Variants in PHKB observed in about 807,000 individuals in gnomAD.
PHKB encodes phosphorylase kinase regulatory subunit beta.
PHKB carries 122 observed loss-of-function variants against 152.1 expected under a neutral mutation model. The ratio of observed to expected loss-of-function variants is 0.80; its 90% confidence interval spans 0.69 to 0.93. The LOEUF is 0.93. Ranked by LOEUF, PHKB falls within the 40% of genes least tolerant of loss-of-function variation. The probability of loss-of-function intolerance (pLI) is 0.00; values close to 1 mark genes in which losing one functional copy is unlikely to be tolerated. For synonymous variants in PHKB, 436 were observed against 464.9 expected, an observed-to-expected ratio of 0.94 and a Z score of 0.80; for missense variants, 1,304 against 1,328.4, an observed-to-expected ratio of 0.98 and a Z score of 0.29.
In PHKB at chr16:47,580,327, C is replaced by A; in HGVS notation, c.743C>A (p.Ala248Glu). 6.2e-7 allele frequency: 1 copy of A among 1,612,732 alleles called. No homozygotes were observed. The highest frequency in any genetic ancestry group is 1.1e-5 in the South Asian group (1 of 91,038). Residue 248 changes from alanine to glutamate, a missense_variant, in exon 8 of 31, where the codon GCA (alanine) becomes GAA (glutamate). Transcript: ENST00000323584. The stretch of plus-strand genomic sequence containing the variant: ...GGTTTAGCAAAAGCAGCTCTAGAAG[C>A]AATTAATGGATTCAACCTTTTTGGC... ...SVGLAKAALEAINGFNLFGNQ... is the reference protein window; with the variant it reads ...SVGLAKAALEEINGFNLFGNQ...
chr16:47,632,042 A>T (rs192923209), intron 14 of PHKB, among the ~76,000 whole-genome samples: 10 of 152,194 alleles, frequency 6.6e-5, no homozygotes, highest in African/African-American at 2.4e-4. Flanking sequence ...GTATTTCCAT[A>T]TGTTGTAAAT....
chr16:47,465,077 G>C (rs988363424), intron 1 of PHKB, among the ~76,000 whole-genome samples: 5 of 152,024 alleles, frequency 3.3e-5, no homozygotes, highest in Non-Finnish European at 5.9e-5. Flanking sequence ...AATAACTTAA[G>C]GAAGAATCAA....
chr16:47,699,454 A>C lies in PHKB; in HGVS notation c.*88A>C. 1 of 1,475,316 alleles carries C rather than the reference A, an allele frequency of 6.8e-7. No individual in the cohort carries two copies. Among genetic ancestry groups the C allele is most frequent in the Non-Finnish European group, 9.5e-7 (1 of 1,053,798 alleles). The allele number at this position is 1,475,316 out of a possible 1,614,324, so 91.4% of individuals were successfully genotyped here. On this transcript the variant is annotated 3_prime_UTR_variant, in exon 31 of 31. Coordinates refer to ENST00000323584, the MANE Select transcript of PHKB (RefSeq NM_000293.3). ...AAGCTTAATCAAGGCAGCCATTAATATACGAACTGAGCATGCTGGGGAGGT... is the reference window on the plus strand; with the variant it reads ...AAGCTTAATCAAGGCAGCCATTAATCTACGAACTGAGCATGCTGGGGAGGT...
chr16:47,662,403 C>T (rs999548333), intron 23 of PHKB, among the ~76,000 whole-genome samples: 3 of 152,106 alleles, frequency 2.0e-5, no homozygotes, highest in Non-Finnish European at 4.4e-5. Flanking sequence ...TTTTATAATA[C>T]AGAATAATAC....
chr16:47,669,095 T>G, intron 25 of PHKB, 120 bp from the exon 26 acceptor site: 1 of 721,676 alleles, frequency 1.4e-6, no homozygotes, highest in Non-Finnish European at 2.4e-6. Flanking sequence ...TTATTCTACC[T>G]AATTCCCTAG....
intron 6 of PHKB, among the ~76,000 whole-genome samples, chr16:47,533,265 A>G (rs1970893375): frequency 6.6e-6 from 1 of 152,128 alleles, no homozygotes; most frequent in South Asian, 2.1e-4. Context: ...AGGGGTGAGG[A>G]AGTGCATGCC....
At chr16:47,477,021 G>A (rs1969880525) in intron 1 of PHKB, among the ~76,000 whole-genome samples, 1 of 152,110 alleles carries the variant, frequency 6.6e-6, no homozygotes, top group Admixed American at 6.5e-5. Context: ...TCTCTTTCTG[G>A]CTTCTGCACC....
At position 47,699,269 on chromosome 16, in the gene PHKB, A is replaced by G. The variant is rs1194104476; in HGVS notation, c.3185A>G (p.Lys1062Arg). 1 of 1,613,934 alleles carries G rather than the reference A, an allele frequency of 6.2e-7. No individual in the cohort carries two copies. Among genetic ancestry groups the G allele is most frequent in the Non-Finnish European group, 8.5e-7 (1 of 1,179,926 alleles). The change falls in exon 31 of 31, where the codon AAA becomes AGA. Residue 1062 changes from lysine to arginine, a missense_variant. By Grantham distance (26) the Lys-to-Arg change is conservative. Coordinates refer to ENST00000323584, the MANE Select transcript of PHKB (RefSeq NM_000293.3). ...TTTTACAACACTCCTCCCCTGGGAA[A>G]AAGAGGAACATGCAGCTATTTGACA... Reference protein sequence around the residue: ...TSFYNTPPLGKRGTCSYLTKA... With the variant: ...TSFYNTPPLGRRGTCSYLTKA...
chr16:47,596,894 G>C (rs1972130060), intron 13 of PHKB, among the ~76,000 whole-genome samples: 1 of 152,106 alleles, frequency 6.6e-6, no homozygotes, highest in Non-Finnish European at 1.5e-5. Flanking sequence ...CATACCTTTA[G>C]TAGACCACTT....
intron 7 of PHKB, chr16:47,561,997 A>G (rs1447876968): frequency 6.6e-6 from 1 of 152,168 alleles, no homozygotes; most frequent in Non-Finnish European, 1.5e-5. Context: ...TCTCACAAAC[A>G]TCTGTGAGAG....
chr16:47,542,407 G>A (rs1971076427), intron 6 of PHKB, among the ~76,000 whole-genome samples: 2 of 152,274 alleles, frequency 1.3e-5, no homozygotes, highest in South Asian at 4.1e-4. Context: ...TTGTAGCCTT[G>A]TAGTATAGTT....
chr16:47,602,616 T>C (rs1456553358), intron 13 of PHKB, among the ~76,000 whole-genome samples: 1 of 151,390 alleles, frequency 6.6e-6, no homozygotes. Flanking sequence ...TTGTGGATTA[T>C]GAGCTTAGGA....
intron 1 of PHKB, among the ~76,000 whole-genome samples, chr16:47,479,253 G>A (rs1468403811): frequency 6.6e-6 from 1 of 152,164 alleles, no homozygotes. Flanking sequence ...GGATTTGTCA[G>A]TACGGTGATG....
intron 27 of PHKB, among the ~76,000 whole-genome samples, chr16:47,690,942 G>A (rs932471107): frequency 5.3e-5 from 8 of 152,082 alleles, no homozygotes; most frequent in South Asian, 2.1e-4. Flanking sequence ...ATGATGGGCC[G>A]GGCATGGTGG....
At chr16:47,528,927 C>T (rs1970813435) in intron 6 of PHKB, among the ~76,000 whole-genome samples, 1 of 152,008 alleles carries the variant, frequency 6.6e-6, no homozygotes. Context: ...AACTCCTGAC[C>T]TCATGATCCA....
At chr16:47,674,311 T>C (rs1357927093) in intron 26 of PHKB, among the ~76,000 whole-genome samples, 1 of 152,182 alleles carries the variant, frequency 6.6e-6, no homozygotes, top group Non-Finnish European at 1.5e-5. Context: ...GAAAATGGGA[T>C]GATTCTAAGT....
At chr16:47,573,896 T>C (rs576840859) in intron 7 of PHKB, among the ~76,000 whole-genome samples, 1 of 152,130 alleles carries the variant, frequency 6.6e-6, no homozygotes, top group Admixed American at 6.5e-5. Context: ...CCATCCCTGC[T>C]AGGGTGTGGG....
At chr16:47,591,885 A>G (rs1193852607) in intron 10 of PHKB, among the ~76,000 whole-genome samples, 1 of 152,138 alleles carries the variant, frequency 6.6e-6, no homozygotes, top group African/African-American at 2.4e-5. Context: ...TTAGCCTCCT[A>G]AAAATCCTAA....
intron 1 of PHKB, among the ~76,000 whole-genome samples, chr16:47,474,757 T>C (rs1353147339): frequency 6.6e-6 from 1 of 151,836 alleles, no homozygotes; most frequent in Non-Finnish European, 1.5e-5. Flanking sequence ...GGAGTTTTGC[T>C]CTTGTTGCTC....
Sources: allele counts gnomAD v4.1 joint callset (sites outside exome capture counted in the v4.1 genomes callset), GRCh38; gene constraint gnomAD v4.1.1; transcripts MANE v1.5; gene names NCBI Gene and HGNC (gene_info 2026-07-23, HGNC 2026-07-21).